Variants in CCDC171 observed in about 807,000 individuals in gnomAD.
CCDC171 encodes coiled-coil domain containing 171.
Under a neutral mutation model 168.2 loss-of-function variants are expected in CCDC171, and 177 were observed. The observed-to-expected ratio is 1.05, with a 90% confidence interval of 0.93 to 1.19. The LOEUF (loss-of-function observed/expected upper bound fraction) is 1.19, where lower values mean the gene tolerates loss of function less well. CCDC171 is among the 50% of genes most tolerant of loss of function. The pLI is 0.00. For missense variants in CCDC171, 1,991 were observed against 1,539.0 expected (o/e 1.29, Z -4.91); for synonymous variants, 687 against 540.8 (o/e 1.27, Z -3.75).
chr9:15,739,407 A>C (rs2054702731), intron 16 of CCDC171, among the ~76,000 whole-genome samples: 1 of 152,144 alleles, frequency 6.6e-6, no homozygotes, highest in Admixed American at 6.6e-5. Flanking sequence ...GGATGTTGGT[A>C]CCTGAGGGGA....
chr9:15,682,496 A>G (rs928469767), intron 10 of CCDC171, among the ~76,000 whole-genome samples: 2 of 152,118 alleles, frequency 1.3e-5, no homozygotes, highest in East Asian at 1.9e-4. Flanking sequence ...GTATTAATAC[A>G]TATTTATATG....
intron 25 of CCDC171, among the ~76,000 whole-genome samples, chr9:15,943,770 T>C (rs1048225549): frequency 6.6e-6 from 1 of 152,040 alleles, no homozygotes; most frequent in Non-Finnish European, 1.5e-5. Context: ...AAAGGCATAA[T>C]GAAGAGTTGC....
intron 25 of CCDC171, among the ~76,000 whole-genome samples, chr9:15,941,771 A>G (rs1827764055): frequency 6.6e-6 from 1 of 152,024 alleles, no homozygotes; most frequent in Non-Finnish European, 1.5e-5. Context: ...TCAATATTAT[A>G]TAAAAGAAGA....
chr9:15,925,118 T>C (rs962641105), intron 25 of CCDC171, among the ~76,000 whole-genome samples: 2 of 151,496 alleles, frequency 1.3e-5, no homozygotes, highest in Admixed American at 6.6e-5. Context: ...AATCTAGAAG[T>C]GGAATTATTT....
intron 23 of CCDC171, among the ~76,000 whole-genome samples, chr9:15,865,760 T>C (rs894500043): frequency 2.6e-5 from 4 of 151,840 alleles, no homozygotes; most frequent in Non-Finnish European, 4.4e-5. Context: ...AGTTAAGTTT[T>C]GGGGGAGTCA....
At chr9:16,086,315 T>C in the CCDC171 span, among the ~76,000 whole-genome samples, 7 of 151,704 alleles carry the variant, frequency 4.6e-5, no homozygotes, top group Non-Finnish European at 1.0e-4. Flanking sequence ...TTTATCATTT[T>C]TTTTTTTTTT....
intron 15 of CCDC171, 114 bp downstream of exon 15, chr9:15,728,150 A>G: frequency 1.3e-6 from 1 of 775,360 alleles, no homozygotes; most frequent in Non-Finnish European, 2.0e-6. Flanking sequence ...TTTGGATGTT[A>G]ATAATTCAAT....
In CCDC171 at chr9:15,666,144, C is replaced by A. The variant is rs769770564; in HGVS notation, c.916-19C>A. On this transcript the variant is annotated intron_variant, in intron 8 of 25. Transcript: ENST00000380701. ...AGCATTTCTTAGCTTGATTTAATTA[C>A]TTGTCTGTCGTCCGGTAGTTACGGA... The A allele has an allele frequency of 6.2e-7, 1 of 1,608,206 alleles. No homozygotes were observed. The highest frequency in any genetic ancestry group is 1.1e-5 in the South Asian group (1 of 90,452).
chr9:16,068,719 T>C, the CCDC171 span, among the ~76,000 whole-genome samples: 2 of 150,428 alleles, frequency 1.3e-5, no homozygotes, highest in Non-Finnish European at 1.5e-5. Context: ...GAGATTCCTT[T>C]AGGATGACGA....
the CCDC171 span, among the ~76,000 whole-genome samples, chr9:16,084,209 T>G: frequency 1.3e-5 from 2 of 152,184 alleles, no homozygotes; most frequent in African/African-American, 4.8e-5. Flanking sequence ...TTGAGTGCCA[T>G]TTTTGTTTAA....
chr9:15,613,608 C>T (rs779092385), intron 6 of CCDC171, among the ~76,000 whole-genome samples: 29 of 151,440 alleles, frequency 1.9e-4, no homozygotes, highest in Non-Finnish European at 2.8e-4. Flanking sequence ...CTGCAGCCTC[C>T]GCCTTCTGGG....
At chr9:15,618,053 T>C (rs2044224438) in intron 6 of CCDC171, among the ~76,000 whole-genome samples, 1 of 152,160 alleles carries the variant, frequency 6.6e-6, no homozygotes, top group Non-Finnish European at 1.5e-5. Flanking sequence ...GAATCCCCCT[T>C]GTCAGGATCA....
intron 21 of CCDC171, among the ~76,000 whole-genome samples, chr9:15,790,577 CT>C (rs1242141667): frequency 6.6e-6 from 1 of 152,160 alleles, no homozygotes; most frequent in African/African-American, 2.4e-5. Flanking sequence ...GTTTCTTTTG[CT>C]GTGCAGAAGC....
chr9:15,808,767 T>G (rs1226481207), intron 21 of CCDC171, among the ~76,000 whole-genome samples: 11 of 152,150 alleles, frequency 7.2e-5, no homozygotes, highest in African/African-American at 2.7e-4. Context: ...TGTGTTGTCT[T>G]TCAAGTCACC....
intron 20 of CCDC171, among the ~76,000 whole-genome samples, chr9:15,782,987 T>C (rs935360707): frequency 5.3e-5 from 8 of 152,332 alleles, no homozygotes; most frequent in Admixed American, 3.9e-4. Flanking sequence ...AGGTAAATCA[T>C]TAGACATCTG....
chr9:15,894,504 C>G (rs1012632191), intron 24 of CCDC171, among the ~76,000 whole-genome samples: 21 of 152,040 alleles, frequency 1.4e-4, no homozygotes, highest in African/African-American at 4.8e-4. Flanking sequence ...CTTCCCATCA[C>G]CCTTAAAATG....
chr9:15,913,821 T>C (rs1398047641), intron 24 of CCDC171, among the ~76,000 whole-genome samples: 1 of 152,028 alleles, frequency 6.6e-6, no homozygotes, highest in African/African-American at 2.4e-5. Context: ...TCGGATGGAG[T>C]TTTTGCATGC....
chr9:16,104,451 C>A, the CCDC171 span, among the ~76,000 whole-genome samples: 3 of 152,132 alleles, frequency 2.0e-5, no homozygotes, highest in African/African-American at 4.8e-5. Context: ...TTTGGCTGTA[C>A]TTTTTGGCCT....
chr9:15,865,979 C>T (rs1477144072), intron 23 of CCDC171, among the ~76,000 whole-genome samples: 1 of 151,688 alleles, frequency 6.6e-6, no homozygotes, highest in Non-Finnish European at 1.5e-5. Context: ...TGGGTGGGGC[C>T]TCAAAATATG....
Sources: gnomAD v4.1 joint callset for allele counts (sites outside exome capture counted in the v4.1 genomes callset) on GRCh38, gnomAD v4.1.1 for gene constraint, MANE v1.5 for transcripts, NCBI Gene and HGNC (gene_info 2026-07-23, HGNC 2026-07-21) for gene names.